The following ADAMTSL1 variants were observed in gnomAD, a reference collection of about 807,000 sequenced individuals.
ADAMTSL1 encodes the protein ADAMTS like 1.
In ADAMTSL1, 126 loss-of-function variants were observed where a neutral mutation model predicts 201.8. The ratio of observed to expected loss-of-function variants is 0.62; its 90% CI spans 0.54 to 0.72. The LOEUF (loss-of-function observed/expected upper bound fraction) is 0.72. ADAMTSL1 is among the 30% of genes least tolerant of loss of function. The pLI is 0.00. For missense variants in ADAMTSL1, 2,679 were observed against 2,277.8 expected (o/e 1.18, Z -3.59); for synonymous variants, 1,121 against 903.4 (o/e 1.24, Z -4.32).
intron 2 of ADAMTSL1, among the ~76,000 whole-genome samples, chr9:18,223,291 T>C (rs1422179003): frequency 1.3e-5 from 2 of 152,128 alleles, no homozygotes; most frequent in Non-Finnish European, 1.5e-5. Context: ...TTTGAAATGA[T>C]CGATCATTAA....
rs569409929 is a variant in ADAMTSL1, at chr9:17,955,370, T to C, written c.87+48448T>C. Among the ~76,000 whole-genome samples, 30 of 152,280 alleles carry C rather than the reference T, an allele frequency of 2.0e-4. No homozygotes were observed. In the South Asian group the frequency reaches 5.6e-3, roughly 28 times the overall value. On this transcript the variant is annotated intron_variant, in intron 1 of 29. Transcript: ENST00000680146. ...ATGATTTTCTTGGTTTGCTGAGGCA[T>C]AAAACTCATTCCAAATTTAGGATTA... is the stretch of plus-strand genomic sequence containing the variant.
intron 1 of ADAMTSL1, among the ~76,000 whole-genome samples, chr9:17,985,455 A>G (rs1818886732): frequency 1.3e-5 from 2 of 152,262 alleles, no homozygotes; most frequent in African/African-American, 4.8e-5. Flanking sequence ...AACCACAAGG[A>G]AAATAAAATC....
intron 2 of ADAMTSL1, among the ~76,000 whole-genome samples, chr9:18,270,669 T>G (rs1050802724): frequency 6.6e-6 from 1 of 152,172 alleles, no homozygotes; most frequent in Non-Finnish European, 1.5e-5. Flanking sequence ...CTTAAACATA[T>G]ATACTTTCAG....
intron 26 of ADAMTSL1, among the ~76,000 whole-genome samples, chr9:18,896,302 T>C (rs993652917): frequency 3.4e-4 from 51 of 152,220 alleles, no homozygotes; most frequent in African/African-American, 1.2e-3. Context: ...AAAGAGGGAA[T>C]CTTGAAAGCA....
chr9:18,775,241 C>G (rs1440482338), intron 17 of ADAMTSL1, among the ~76,000 whole-genome samples: 2 of 152,188 alleles, frequency 1.3e-5, no homozygotes, highest in African/African-American at 4.8e-5. Flanking sequence ...ATCTAGCACC[C>G]TACCTTAGAC....
intron 1 of ADAMTSL1, among the ~76,000 whole-genome samples, chr9:18,045,355 A>G (rs934447986): frequency 3.3e-5 from 5 of 152,156 alleles, no homozygotes; most frequent in African/African-American, 9.6e-5. Flanking sequence ...TGGAGTTGGC[A>G]TGAGTGAGTG....
chr9:18,882,439 T>A (rs1828588259), intron 23 of ADAMTSL1, among the ~76,000 whole-genome samples: 1 of 152,212 alleles, frequency 6.6e-6, no homozygotes, highest in Admixed American at 6.5e-5. Context: ...AAAAGTATAT[T>A]TGCCTTCATA....
intron 3 of ADAMTSL1, among the ~76,000 whole-genome samples, chr9:18,546,330 A>G (rs756808235): frequency 6.6e-6 from 1 of 152,086 alleles, no homozygotes; most frequent in Non-Finnish European, 1.5e-5. Flanking sequence ...TGGTTTTTTT[A>G]GAGACAGGAT....
At chr9:18,292,946 C>T (rs1052543456) in intron 2 of ADAMTSL1, among the ~76,000 whole-genome samples, 8 of 152,142 alleles carry the variant, frequency 5.3e-5, no homozygotes, top group Admixed American at 5.2e-4. Context: ...TAGTTCTGTC[C>T]TTCTAGAGAA....
At chr9:18,873,514 T>C (rs959606635) in intron 23 of ADAMTSL1, among the ~76,000 whole-genome samples, 4 of 152,304 alleles carry the variant, frequency 2.6e-5, no homozygotes, top group African/African-American at 7.2e-5. Flanking sequence ...TTCTCCTACA[T>C]GTGGCTTGCC....
intron 3 of ADAMTSL1, 128 bp downstream of exon 3, chr9:18,533,420 A>T (rs1430968680): frequency 5.4e-5 from 32 of 590,900 alleles, no homozygotes; most frequent in Non-Finnish European, 8.6e-5. Flanking sequence ...CTCATACTGT[A>T]CTGATTATAT....
At position 18,706,739 on chromosome 9, in the gene ADAMTSL1, G is replaced by T. The variant is rs369451715; in HGVS notation, c.1575-8G>T. On this transcript the variant is annotated splice_region_variant and splice_polypyrimidine_tract_variant and intron_variant, in intron 13 of 28. Coordinates refer to ENST00000380548, the MANE Select transcript of ADAMTSL1 (RefSeq NM_001040272.6). ...CATCCTGTCCTCTTGTTTGCTTGCC[G>T]ACTGCAGGTTCATCCCAGAGGCCTG... 21 of 1,588,450 alleles carry T rather than the reference G, an allele frequency of 1.3e-5. No individual in the cohort carries two copies. Among genetic ancestry groups the T allele is most frequent in the Non-Finnish European group, 1.7e-5 (20 of 1,166,734 alleles).
chr9:18,626,839 T>TAC (rs1554717999), intron 5 of ADAMTSL1, among the ~76,000 whole-genome samples: 5 of 133,360 alleles, frequency 3.7e-5, no homozygotes, highest in African/African-American at 1.4e-4. Context: ...CTTACTTTCT[T>TAC]TTTCTTTCTT....
intron 23 of ADAMTSL1, among the ~76,000 whole-genome samples, chr9:18,883,828 TTGAG>T (rs1246260133): frequency 6.6e-6 from 1 of 152,216 alleles, no homozygotes; most frequent in East Asian, 1.9e-4. Context: ...TATTGGATAT[TTGAG>T]TGGTTTAAAT....
chr9:18,013,068 T>TTATTC (rs1820121151), intron 1 of ADAMTSL1, among the ~76,000 whole-genome samples: 1 of 151,930 alleles, frequency 6.6e-6, no homozygotes, highest in Non-Finnish European at 1.5e-5. Flanking sequence ...ATTTTAAGTA[T>TTATTC]CATAAGGGTA....
intron 4 of ADAMTSL1, among the ~76,000 whole-genome samples, chr9:18,583,750 G>C (rs536874402): frequency 2.0e-5 from 3 of 152,278 alleles, no homozygotes; most frequent in East Asian, 1.9e-4. Context: ...TCTTGCATCA[G>C]AGTGATCCAG....
chr9:17,907,091 G>A (rs567881123), intron 1 of ADAMTSL1, among the ~76,000 whole-genome samples: 1 of 152,316 alleles, frequency 6.6e-6, no homozygotes, highest in African/African-American at 2.4e-5. Context: ...GGGCTAAGGC[G>A]TACCCTGGGG....
At chr9:17,952,764 C>G (rs962197802) in intron 1 of ADAMTSL1, among the ~76,000 whole-genome samples, 1 of 152,098 alleles carries the variant, frequency 6.6e-6, no homozygotes, top group Non-Finnish European at 1.5e-5. Flanking sequence ...TGGACTCAAG[C>G]CATCCATCTG....
intron 2 of ADAMTSL1, among the ~76,000 whole-genome samples, chr9:18,505,631 G>C (rs1308778118): frequency 3.3e-5 from 5 of 152,208 alleles, no homozygotes; most frequent in South Asian, 4.1e-4. Flanking sequence ...TTCTTGAGCT[G>C]TGTGGTCTAT....
Sources: allele counts gnomAD v4.1 joint callset (sites outside exome capture counted in the v4.1 genomes callset), GRCh38; gene constraint gnomAD v4.1.1; transcripts MANE v1.5; gene names NCBI Gene and HGNC (gene_info 2026-07-23, HGNC 2026-07-21).